Variants in SNRPB2 observed in about 807,000 individuals in gnomAD.
SNRPB2 encodes small nuclear ribonucleoprotein polypeptide B2.
Under a neutral mutation model 26.3 loss-of-function variants are expected in SNRPB2, and 16 were observed. The observed-to-expected ratio is 0.61, with a 90% CI of 0.41 to 0.92. The LOEUF (loss-of-function observed/expected upper bound fraction) is 0.92. Among genes scored for constraint, SNRPB2 ranks in the 40% least tolerant of loss-of-function variants. The probability of loss-of-function intolerance (pLI) is 0.00; values close to 1 mark genes in which losing one functional copy is unlikely to be tolerated. For synonymous variants in SNRPB2, 75 were observed against 89.0 expected, an observed-to-expected ratio of 0.84 and a Z score of 0.88; for missense variants, 179 against 268.1, an observed-to-expected ratio of 0.67 and a Z score of 2.32.
rs764067232 is a variant in SNRPB2, at chr20:16,740,418, G to GT, written c.518+11dup. On this transcript the variant is annotated splice_donor_region_variant and intron_variant, in intron 6 of 6. Coordinates refer to ENST00000246071, the MANE Select transcript of SNRPB2 (RefSeq NM_003092.5). The stretch of plus-strand genomic sequence containing the variant: ...GTTATCCATGCTGTTTAATCAGTAA[G>GT]TTTTTTCATAAATAAGTCTGTTTCT... The GT allele has an allele frequency of 6.2e-7, 1 of 1,610,418 alleles. No individual in the cohort carries two copies. Among genetic ancestry groups the GT allele is most frequent in the East Asian group, 2.2e-5 (1 of 44,764 alleles).
intron 6 of SNRPB2, 55 bp from the exon 7 acceptor site, chr20:16,740,791 C>G (rs143331487): frequency 2.9e-5 from 40 of 1,360,436 alleles, no homozygotes; most frequent in Middle Eastern, 2.6e-4. Flanking sequence ...AATTTTAACA[C>G]AAAGCAAACA....
chr20:16,735,835 A>G (rs1278103498), intron 3 of SNRPB2, among the ~76,000 whole-genome samples: 1 of 152,210 alleles, frequency 6.6e-6, no homozygotes, highest in Non-Finnish European at 1.5e-5. Flanking sequence ...TGTTAAAGTC[A>G]TTTCATGTAA....
Position 16,741,184 on chromosome 20 carries a change from A to G in SNRPB2, c.*179A>G, listed in dbSNP as rs1489999755. 2.0e-6 allele frequency: 1 copy of G among 490,270 alleles called. No individual in the cohort carries two copies. The highest frequency in any genetic ancestry group is 3.1e-5 in the East Asian group (1 of 32,224). 30.4% of individuals were successfully genotyped at this position (490,270 alleles called of 1,614,324 possible). A position where few individuals can be genotyped will look rare whatever the true frequency, so the allele number is the denominator to read the frequency against. ...GTGAACTATGAAATACGAAGGCCTT[A>G]ATTTTGTACAATAAACTTTTATTTG... On this transcript the variant is annotated 3_prime_UTR_variant, in exon 7 of 7. Coordinates refer to ENST00000246071, the MANE Select transcript of SNRPB2 (RefSeq NM_003092.5).
intron 1 of SNRPB2, chr20:16,730,638 C>T (rs1387854370): frequency 6.6e-6 from 1 of 152,234 alleles, no homozygotes. Flanking sequence ...GTTACCTGCA[C>T]AAGTGCAGCC....
chr20:16,738,943 T>C, intron 5 of SNRPB2, 41 bp downstream of exon 5: 1 of 1,368,596 alleles, frequency 7.3e-7, no homozygotes, highest in Non-Finnish European at 1.0e-6. Context: ...AAAATAAGAT[T>C]GTAAAAATTA....
chr20:16,732,058 A>G, intron 2 of SNRPB2, 106 bp from the exon 3 acceptor site: 1 of 707,836 alleles, frequency 1.4e-6, no homozygotes, highest in East Asian at 2.8e-5. Flanking sequence ...ATATAACTGT[A>G]TAAATAAGTG....
intron 1 of SNRPB2, among the ~76,000 whole-genome samples, chr20:16,731,371 G>T (rs191854266): frequency 1.3e-4 from 20 of 152,306 alleles, no homozygotes; most frequent in African/African-American, 4.8e-4. Flanking sequence ...CATTGAGGAG[G>T]TGGAAAGAAA....
intron 3 of SNRPB2, among the ~76,000 whole-genome samples, chr20:16,736,889 A>G (rs530291107): frequency 1.3e-5 from 2 of 152,310 alleles, no homozygotes; most frequent in East Asian, 1.9e-4. Context: ...GGAGATTTGA[A>G]CAGTTCAGGA....
intron 1 of SNRPB2, 57 bp from the exon 2 acceptor site, chr20:16,731,611 T>C: frequency 1.3e-6 from 2 of 1,501,076 alleles, no homozygotes; most frequent in Non-Finnish European, 9.1e-7. Flanking sequence ...TAATAATTCT[T>C]GTGTTGTGTC....
intron 3 of SNRPB2, 59 bp downstream of exon 3, chr20:16,732,395 A>C: frequency 1.1e-6 from 1 of 885,222 alleles, no homozygotes; most frequent in South Asian, 1.7e-5. Flanking sequence ...ATGGGACAGT[A>C]GATTTGTAAA....
At chr20:16,732,503 T>A in intron 3 of SNRPB2, 167 bp downstream of exon 3, 1 of 473,016 alleles carries the variant, frequency 2.1e-6, no homozygotes. Flanking sequence ...GTTTAATTTA[T>A]GACAGTTCAG....
At chr20:16,738,764 A>G (rs2072444532) in intron 4 of SNRPB2, 88 bp from the exon 5 acceptor site, 1 of 749,152 alleles carries the variant, frequency 1.3e-6, no homozygotes, top group African/African-American at 1.8e-5. Flanking sequence ...AATTAATGTT[A>G]TTTTTAATGC....
In SNRPB2 at chr20:16,737,225, C is replaced by T. The variant is rs199845350; in HGVS notation, c.238-36C>T. 527 of 1,525,670 alleles carry T rather than the reference C, an allele frequency of 3.5e-4. 4 individuals are homozygous for T. The highest frequency in any genetic ancestry group is 6.5e-5 in the Non-Finnish European group (74 of 1,134,434). The allele number at this position is 1,525,670 out of a possible 1,614,324, so 94.5% of individuals were successfully genotyped here. A position where few individuals can be genotyped will look rare whatever the true frequency, so the allele number is the denominator to read the frequency against. On this transcript the variant is annotated intron_variant, in intron 3 of 6. Transcript: ENST00000246071. The stretch of plus-strand genomic sequence containing the variant: ...AATGACTAGTGTAAACATCCTTCAG[C>T]ATGAGAAGTAACCTGTTTTCAAATA...
chr20:16,731,554 C>T, intron 1 of SNRPB2, 114 bp from the exon 2 acceptor site: 1 of 1,075,770 alleles, frequency 9.3e-7, no homozygotes, highest in Non-Finnish European at 1.3e-6. Flanking sequence ...AGGCTACAGC[C>T]AAACTGACAT....
intron 4 of SNRPB2, 49 bp from the exon 5 acceptor site, chr20:16,738,803 G>C (rs200970439): frequency 1.9e-6 from 2 of 1,036,810 alleles, no homozygotes; most frequent in East Asian, 4.7e-5. Flanking sequence ...TACCTGCTGC[G>C]TTTTTGGAGG....
At chr20:16,731,573 A>G (rs2072391056) in intron 1 of SNRPB2, 95 bp from the exon 2 acceptor site, 1 of 1,269,188 alleles carries the variant, frequency 7.9e-7, no homozygotes, top group African/African-American at 1.5e-5. Context: ...ATTTTCTGAC[A>G]ACTGGGATTG....
chr20:16,733,229 G>T (rs1347073543), intron 3 of SNRPB2, among the ~76,000 whole-genome samples: 2 of 152,212 alleles, frequency 1.3e-5, no homozygotes, highest in Non-Finnish European at 2.9e-5. Flanking sequence ...TCTAATGCAG[G>T]CATCAGCAAA....
chr20:16,735,925 C>G (rs182620358), intron 3 of SNRPB2, among the ~76,000 whole-genome samples: 230 of 152,354 alleles, frequency 1.5e-3, no homozygotes, highest in Admixed American at 2.5e-3. Context: ...ATGACACATT[C>G]CACAGCTGCG....
In SNRPB2 at chr20:16,735,305, T is replaced by TTGTACAGATTACTACAAAGTAGTAATC. The variant is rs879639214; in HGVS notation, c.238-1930_238-1929insCTGTACAGATTACTACAAAGTAGTAAT. On this transcript the variant is annotated intron_variant, in intron 3 of 6. Coordinates refer to ENST00000246071, the MANE Select transcript of SNRPB2 (RefSeq NM_003092.5). ...GCATACCTATTGTATACAAAGTAAT[T>TTGTACAGATTACTACAAAGTAGTAATC]TGTACAGATTACTACAAAGTAGTAA... Among the ~76,000 whole-genome samples, 1,296 of 152,236 alleles carry TTGTACAGATTACTACAAAGTAGTAATC rather than the reference T, an allele frequency of 8.5e-3. 21 individuals carry two copies. Among genetic ancestry groups the TTGTACAGATTACTACAAAGTAGTAATC allele is most frequent in the African/African-American group, 0.03 (1,248 of 41,480 alleles).
Sources: gnomAD v4.1 joint callset for allele counts (sites outside exome capture counted in the v4.1 genomes callset) on GRCh38, gnomAD v4.1.1 for gene constraint, MANE v1.5 for transcripts, NCBI Gene and HGNC (gene_info 2026-07-23, HGNC 2026-07-21) for gene names.